The following ANKRD13C variants were observed in gnomAD, a reference collection of about 807,000 sequenced individuals.
The protein encoded by ANKRD13C is ankyrin repeat domain 13C.
Under a neutral mutation model 65.5 loss-of-function variants are expected in ANKRD13C, and 16 were observed. That is an observed-to-expected ratio of 0.24 (90% CI 0.17 to 0.37). The LOEUF (loss-of-function observed/expected upper bound fraction) is 0.37, where lower values mean the gene tolerates loss of function less well. ANKRD13C is among the 10% of genes least tolerant of loss of function. The probability of loss-of-function intolerance (pLI) is 1.00; values close to 1 mark genes in which losing one functional copy is unlikely to be tolerated. For missense variants in ANKRD13C, 503 were observed against 655.9 expected, an observed-to-expected ratio of 0.77 and a Z score of 2.55; for synonymous variants, 235 against 238.7, an observed-to-expected ratio of 0.98 and a Z score of 0.14.
intron 9 of ANKRD13C, among the ~76,000 whole-genome samples, chr1:70,283,011 T>A (rs1008078748): frequency 2.6e-5 from 4 of 152,224 alleles, no homozygotes; most frequent in African/African-American, 9.6e-5. Flanking sequence ...AAACAGTACA[T>A]TATACATTCC....
intron 9 of ANKRD13C, among the ~76,000 whole-genome samples, chr1:70,279,295 A>C (rs984649437): frequency 1.3e-5 from 2 of 152,138 alleles, no homozygotes; most frequent in Non-Finnish European, 2.9e-5. Flanking sequence ...CGAACTACAG[A>C]GTATAAATTT....
chr1:70,309,534 C>T (rs1247209753), intron 5 of ANKRD13C, among the ~76,000 whole-genome samples: 3 of 149,530 alleles, frequency 2.0e-5, no homozygotes, highest in Non-Finnish European at 4.5e-5. Flanking sequence ...TTGGCTAACA[C>T]GGTGAAATCC....
At chr1:70,315,865 TATG>T (rs1385219699) in intron 3 of ANKRD13C, among the ~76,000 whole-genome samples, 1 of 152,216 alleles carries the variant, frequency 6.6e-6, no homozygotes, top group Non-Finnish European at 1.5e-5. Flanking sequence ...ATAAAACTGG[TATG>T]ATCCCCAAAG....
At chr1:70,266,412 T>C (rs1337467030) in intron 12 of ANKRD13C, among the ~76,000 whole-genome samples, 2 of 152,230 alleles carry the variant, frequency 1.3e-5, no homozygotes, top group East Asian at 3.8e-4. Flanking sequence ...CTATTACAAA[T>C]AAAGCTGATA....
intron 7 of ANKRD13C, 144 bp from the exon 8 acceptor site, chr1:70,296,405 C>A: frequency 1.3e-6 from 1 of 781,674 alleles, no homozygotes; most frequent in South Asian, 2.0e-5. Flanking sequence ...GTGTTACTTA[C>A]TCTAAAAAGA....
intron 2 of ANKRD13C, among the ~76,000 whole-genome samples, chr1:70,331,630 T>G (rs866961326): frequency 1.3e-5 from 2 of 151,722 alleles, no homozygotes; most frequent in Admixed American, 6.6e-5. Flanking sequence ...TCACCTGAGG[T>G]CAGGAGTTTG....
chr1:70,275,486 C>A (rs747412624), intron 10 of ANKRD13C, among the ~76,000 whole-genome samples: 1 of 150,786 alleles, frequency 6.6e-6, no homozygotes, highest in Non-Finnish European at 1.5e-5. Flanking sequence ...TATGTTGACT[C>A]AGGTTGCCTG....
chr1:70,330,509 G>T (rs1681738042), intron 2 of ANKRD13C, among the ~76,000 whole-genome samples: 1 of 132,030 alleles, frequency 7.6e-6, no homozygotes, highest in South Asian at 2.5e-4. Context: ...AGTGAGCAGA[G>T]ATCATGCCAC....
chr1:70,352,339 CAAAAAAA>C lies in ANKRD13C; in HGVS notation c.430+1633_430+1639del, dbSNP rs397965041. Among the ~76,000 whole-genome samples, 565 of 60,772 alleles carry C rather than the reference CAAAAAAA, an allele frequency of 9.3e-3. 5 individuals are homozygous for C. The highest frequency in any genetic ancestry group is 0.088 in the South Asian group (157 of 1,778). The allele number at this position is 60,772 out of a possible 152,430, so 39.9% of individuals were successfully genotyped here. On this transcript the variant is annotated intron_variant, in intron 1 of 12. Transcript: ENST00000370944. Reference sequence around the variant, plus strand: ...TGGGCGACAGAGCAAGACTCCGTCTCAAAAAAAAAAAAAAAAAAAAAAAAGTTAATTT... The same window carrying C: ...TGGGCGACAGAGCAAGACTCCGTCTCAAAAAAAAAAAAAAAAAGTTAATTT...
chr1:70,328,019 T>G (rs962455560), intron 2 of ANKRD13C, among the ~76,000 whole-genome samples: 3 of 151,814 alleles, frequency 2.0e-5, no homozygotes, highest in Middle Eastern at 3.4e-3. Context: ...GAGCCGAGAC[T>G]GTACCACTGA....
At chr1:70,264,034 CT>C (rs1360699989) in intron 12 of ANKRD13C, among the ~76,000 whole-genome samples, 2 of 152,028 alleles carry the variant, frequency 1.3e-5, no homozygotes, top group Non-Finnish European at 2.9e-5. Context: ...AAAATTATTC[CT>C]TTGTACCTAC....
intron 3 of ANKRD13C, among the ~76,000 whole-genome samples, chr1:70,318,563 A>G (rs189063873): frequency 6.6e-6 from 1 of 152,294 alleles, no homozygotes. Context: ...TATAGTCTAT[A>G]TATCAATTAA....
intron 2 of ANKRD13C, among the ~76,000 whole-genome samples, chr1:70,328,013 C>T (rs570297793): frequency 1.3e-5 from 2 of 151,674 alleles, no homozygotes; most frequent in African/African-American, 4.8e-5. Flanking sequence ...TGCAGTGAGC[C>T]GAGACTGTAC....
chr1:70,273,730 C>T (rs1678998779), intron 11 of ANKRD13C, among the ~76,000 whole-genome samples: 1 of 151,508 alleles, frequency 6.6e-6, no homozygotes, highest in Non-Finnish European at 1.5e-5. Flanking sequence ...GATCTTGACT[C>T]ACTGCAACCT....
At chr1:70,309,924 A>G (rs1299210415) in intron 5 of ANKRD13C, among the ~76,000 whole-genome samples, 1 of 152,040 alleles carries the variant, frequency 6.6e-6, no homozygotes, top group Admixed American at 6.6e-5. Context: ...CTTCAAAAAA[A>G]TGATTTTATT....
intron 2 of ANKRD13C, among the ~76,000 whole-genome samples, chr1:70,334,130 C>A (rs1387724329): frequency 6.6e-6 from 1 of 152,040 alleles, no homozygotes; most frequent in African/African-American, 2.4e-5. Flanking sequence ...TTGAGAATAG[C>A]CTGGGCAACA....
At chr1:70,265,299 A>G (rs1375471053) in intron 12 of ANKRD13C, among the ~76,000 whole-genome samples, 1 of 152,182 alleles carries the variant, frequency 6.6e-6, no homozygotes, top group East Asian at 1.9e-4. Context: ...GAGTCTATCA[A>G]AGAAGTCAGA....
At chr1:70,341,627 T>C (rs1682316630) in intron 1 of ANKRD13C, among the ~76,000 whole-genome samples, 1 of 152,172 alleles carries the variant, frequency 6.6e-6, no homozygotes, top group African/African-American at 2.4e-5. Context: ...CCCAAAGTGA[T>C]GGGATTACAA....
chr1:70,276,176 C>T (rs532569737), intron 10 of ANKRD13C, among the ~76,000 whole-genome samples: 10 of 151,834 alleles, frequency 6.6e-5, no homozygotes, highest in African/African-American at 2.2e-4. Flanking sequence ...AAAAATAAAC[C>T]CTTTCTTTAT....
Sources: gnomAD v4.1 joint callset for allele counts (sites outside exome capture counted in the v4.1 genomes callset) on GRCh38, gnomAD v4.1.1 for gene constraint, MANE v1.5 for transcripts, NCBI Gene and HGNC (gene_info 2026-07-23, HGNC 2026-07-21) for gene names.